The following ZC3H12B variants were observed in gnomAD, a reference collection of about 807,000 sequenced individuals.
ZC3H12B encodes the protein zinc finger CCCH-type containing 12B, also known as probable ribonuclease ZC3H12B.
ZC3H12B carries 7 observed loss-of-function variants against 43.9 expected under a neutral mutation model. The observed-to-expected ratio is 0.16, with a 90% CI of 0.09 to 0.30. The LOEUF (loss-of-function observed/expected upper bound fraction) is 0.30, where lower values mean the gene tolerates loss of function less well. Ranked by LOEUF, ZC3H12B falls within the 10% of genes least tolerant of loss-of-function variation. The pLI is 1.00. For missense variants in ZC3H12B, 475 were observed against 670.2 expected (o/e 0.71, Z 3.22); for synonymous variants, 222 against 241.7 (o/e 0.92, Z 0.76).
chrX:65,212,074 A>G, the ZC3H12B span, among the ~76,000 whole-genome samples: 4 of 61,229 alleles, frequency 6.5e-5, no homozygotes, highest in Non-Finnish European at 1.1e-4. Context: ...TGTATAATAT[A>G]TAGTATATAT....
the ZC3H12B span, among the ~76,000 whole-genome samples, chrX:65,288,486 C>A: frequency 1.8e-5 from 2 of 112,383 alleles, no homozygotes; most frequent in South Asian, 7.2e-4. Flanking sequence ...GCAAGGGATG[C>A]AGTTATGGTT....
the ZC3H12B span, among the ~76,000 whole-genome samples, chrX:65,159,769 G>A: frequency 1.5e-4 from 17 of 111,764 alleles, no homozygotes; most frequent in South Asian, 7.5e-4. Context: ...TCTCTTGCCT[G>A]ATTGCCCTGG....
the ZC3H12B span, among the ~76,000 whole-genome samples, chrX:65,122,410 G>C: frequency 1.8e-5 from 2 of 111,149 alleles, no homozygotes; most frequent in Admixed American, 1.9e-4. Context: ...GGAACAACCA[G>C]TACCAGCCAC....
the ZC3H12B span, among the ~76,000 whole-genome samples, chrX:65,118,155 T>C: frequency 9.0e-6 from 1 of 111,477 alleles, no homozygotes; most frequent in Non-Finnish European, 1.9e-5. Context: ...CCTTGGGCAA[T>C]ATGGCCATTT....
chrX:65,121,686 T>G, the ZC3H12B span, among the ~76,000 whole-genome samples: 1 of 111,457 alleles, frequency 9.0e-6, no homozygotes, highest in African/African-American at 3.3e-5. Context: ...TCTTGCCTTC[T>G]GCTAGCTTTT....
the ZC3H12B span, among the ~76,000 whole-genome samples, chrX:65,361,463 T>C: frequency 2.7e-5 from 3 of 112,534 alleles, no homozygotes; most frequent in African/African-American, 9.7e-5. Context: ...AATTGGAACA[T>C]ATCTTTATTG....
the ZC3H12B span, chrX:65,330,852 A>T: frequency 9.5e-6 from 2 of 211,187 alleles, no homozygotes; most frequent in East Asian, 2.5e-4. Flanking sequence ...ATGCTGCAGA[A>T]TCTCACTGTT....
chrX:65,267,955 C>T, the ZC3H12B span, among the ~76,000 whole-genome samples: 5 of 110,537 alleles, frequency 4.5e-5, no homozygotes, highest in African/African-American at 1.6e-4. Context: ...AGCAGGAAAA[C>T]CATAGGAAAA....
At chrX:65,263,226 G>A in the ZC3H12B span, among the ~76,000 whole-genome samples, 1 of 111,280 alleles carries the variant, frequency 9.0e-6, no homozygotes, top group South Asian at 3.7e-4. Context: ...AAATTTTGGA[G>A]CAATTCACAG....
chrX:65,128,434 G>T, the ZC3H12B span, among the ~76,000 whole-genome samples: 1 of 111,701 alleles, frequency 9.0e-6, no homozygotes, highest in Non-Finnish European at 1.9e-5. Flanking sequence ...CCCTTGGTAT[G>T]ATTTCAGTTC....
At chrX:65,247,343 CAT>C in the ZC3H12B span, among the ~76,000 whole-genome samples, 2 of 111,947 alleles carry the variant, frequency 1.8e-5, no homozygotes, top group African/African-American at 6.5e-5. Context: ...TTTTCAAAGA[CAT>C]AAAGACAGAA....
At chrX:65,166,908 ATTTG>A in the ZC3H12B span, among the ~76,000 whole-genome samples, 1 of 104,960 alleles carries the variant, frequency 9.5e-6, no homozygotes, top group Non-Finnish European at 1.9e-5. Flanking sequence ...TTTCTTGTAA[ATTTG>A]TTTAAGTTCT....
At chrX:65,238,883 G>C in the ZC3H12B span, among the ~76,000 whole-genome samples, 1 of 111,971 alleles carries the variant, frequency 8.9e-6, no homozygotes, top group African/African-American at 3.2e-5. Flanking sequence ...TCTTCATGTA[G>C]TTGTTTGGTT....
the ZC3H12B span, among the ~76,000 whole-genome samples, chrX:65,287,474 G>T: frequency 9.0e-6 from 1 of 110,613 alleles, no homozygotes; most frequent in Admixed American, 9.6e-5. Flanking sequence ...AATTCCTTGA[G>T]GCCAGGTGTG....
chrX:65,094,785 T>C, the ZC3H12B span, among the ~76,000 whole-genome samples: 1 of 112,305 alleles, frequency 8.9e-6, no homozygotes, highest in Non-Finnish European at 1.9e-5. Flanking sequence ...TCATTTAATA[T>C]TCTTTGTGAG....
the ZC3H12B span, among the ~76,000 whole-genome samples, chrX:65,278,880 T>C: frequency 9.2e-6 from 1 of 108,209 alleles, no homozygotes; most frequent in Admixed American, 9.9e-5. Context: ...CTCCCACTTA[T>C]AAGTGAAAAC....
the ZC3H12B span, among the ~76,000 whole-genome samples, chrX:65,201,020 C>T: frequency 9.9e-5 from 11 of 111,393 alleles, no homozygotes; most frequent in African/African-American, 3.3e-4. Flanking sequence ...TGTATGTCTG[C>T]CAGGTTTTGG....
intron 2 of ZC3H12B, among the ~76,000 whole-genome samples, chrX:65,385,600 A>T (rs1021611712): frequency 2.7e-5 from 3 of 111,952 alleles, no homozygotes; most frequent in Non-Finnish European, 5.6e-5. Flanking sequence ...AAACAGGGAC[A>T]ATTTGACTTC....
the ZC3H12B span, chrX:65,357,217 T>C: frequency 2.5e-6 from 1 of 393,160 alleles, no homozygotes; most frequent in Non-Finnish European, 4.7e-6. Context: ...GTGAAATAGA[T>C]TTCATGAGAA....
Sources: gnomAD v4.1 joint callset for allele counts (sites outside exome capture counted in the v4.1 genomes callset) on GRCh38, gnomAD v4.1.1 for gene constraint, MANE v1.5 for transcripts, NCBI Gene and HGNC (gene_info 2026-07-23, HGNC 2026-07-21) for gene names.